MBD5: variants seen among roughly 807,000 people sequenced by gnomAD.
The protein encoded by MBD5 is methyl-CpG binding domain protein 5, also known as methyl-CpG-binding domain protein 5.
In MBD5, 13 loss-of-function variants were observed where a neutral mutation model predicts 117.3. The observed-to-expected ratio is 0.11, with a 90% CI of 0.07 to 0.18. The LOEUF is 0.18. Among genes scored for constraint, MBD5 ranks in the 10% least tolerant of loss-of-function variants. MBD5 has a pLI of 1.00. For synonymous variants in MBD5, 727 were observed against 766.4 expected (o/e 0.95, Z 0.85); for missense variants, 1,879 against 2,093.8 (o/e 0.90, Z 2.00).
chr2:148,090,398 C>T lies in MBD5; in HGVS notation c.-925+68714C>T, dbSNP rs913204971. Among the ~76,000 whole-genome samples the T allele has an allele frequency of 2.6e-5, 4 of 151,826 alleles. No homozygotes were observed. In the East Asian group the frequency reaches 7.7e-4, roughly 29 times the overall value. On this transcript the variant is annotated intron_variant, in intron 1 of 13. Coordinates refer to ENST00000642680, the MANE Select transcript of MBD5 (RefSeq NM_001378120.1). ...AAAGGACATAACAAAAAAAAGAAAACCATAGGCCAATATCTGTAATGAACA... is the reference window on the plus strand; with the variant it reads ...AAAGGACATAACAAAAAAAAGAAAATCATAGGCCAATATCTGTAATGAACA...
intron 1 of MBD5, among the ~76,000 whole-genome samples, chr2:148,079,334 G>GTA (rs1453178916): frequency 2.6e-5 from 4 of 152,176 alleles, no homozygotes; most frequent in Non-Finnish European, 5.9e-5. Flanking sequence ...GATGATAGTA[G>GTA]TATTGGCAGC....
chr2:148,118,037 T>A (rs997066262), intron 1 of MBD5, among the ~76,000 whole-genome samples: 17 of 152,210 alleles, frequency 1.1e-4, no homozygotes, highest in African/African-American at 3.9e-4. Flanking sequence ...TCCTGTGTCT[T>A]ACTAGAGTAG....
At chr2:148,349,045 A>G (rs182593946) in intron 4 of MBD5, among the ~76,000 whole-genome samples, 1 of 152,034 alleles carries the variant, frequency 6.6e-6, no homozygotes, top group African/African-American at 2.4e-5. Flanking sequence ...GATTTATTTT[A>G]TTATATTTAA....
At chr2:148,231,253 G>A (rs1475845700) in intron 2 of MBD5, among the ~76,000 whole-genome samples, 1 of 152,126 alleles carries the variant, frequency 6.6e-6, no homozygotes, top group Non-Finnish European at 1.5e-5. Context: ...ATTCCTTTCT[G>A]GCTAAACAGG....
intron 1 of MBD5, among the ~76,000 whole-genome samples, chr2:148,157,801 C>G (rs1250089120): frequency 6.6e-6 from 1 of 152,184 alleles, no homozygotes; most frequent in East Asian, 1.9e-4. Flanking sequence ...TGGGCTCTCT[C>G]AGGTGCCACT....
chr2:148,495,003 C>T (rs1440969447), intron 11 of MBD5, among the ~76,000 whole-genome samples: 1 of 152,090 alleles, frequency 6.6e-6, no homozygotes, highest in East Asian at 1.9e-4. Flanking sequence ...TTGAAGTACA[C>T]TCTGGGAGAT....
intron 1 of MBD5, among the ~76,000 whole-genome samples, chr2:148,177,562 T>C (rs1698420977): frequency 6.6e-6 from 1 of 152,220 alleles, no homozygotes; most frequent in Admixed American, 6.5e-5. Context: ...ACTCAGTGTT[T>C]TTCATAGACA....
At chr2:148,201,871 A>G (rs1158700990) in intron 2 of MBD5, among the ~76,000 whole-genome samples, 1 of 152,168 alleles carries the variant, frequency 6.6e-6, no homozygotes, top group Non-Finnish European at 1.5e-5. Flanking sequence ...CAAAGGCTCA[A>G]GGGGCACAAC....
intron 3 of MBD5, among the ~76,000 whole-genome samples, chr2:148,330,053 C>CCCCCCCCCCCCCCCCA (rs1559026394): frequency 9.5e-5 from 2 of 21,088 alleles, no homozygotes; most frequent in African/African-American, 2.6e-4. Flanking sequence ...GCCCCCCCCA[C>CCCCCCCCCCCCCCCCA]ACACACACAC....
intron 2 of MBD5, among the ~76,000 whole-genome samples, chr2:148,197,873 G>A (rs1699037751): frequency 1.4e-5 from 2 of 145,034 alleles, no homozygotes; most frequent in African/African-American, 5.1e-5. Context: ...GAGTACAATG[G>A]TATGATCTCG....
chr2:148,024,454 T>G (rs1398529202), intron 1 of MBD5, among the ~76,000 whole-genome samples: 2 of 152,192 alleles, frequency 1.3e-5, no homozygotes, highest in East Asian at 3.9e-4. Flanking sequence ...CATTTTTGTT[T>G]TGTTAACACA....
At chr2:148,275,234 A>G (rs536605569) in intron 3 of MBD5, among the ~76,000 whole-genome samples, 8 of 152,250 alleles carry the variant, frequency 5.3e-5, no homozygotes, top group African/African-American at 1.9e-4. Context: ...ATGAAAATTT[A>G]TATTTTTCTT....
At chr2:148,194,710 T>C (rs1295207342) in intron 2 of MBD5, among the ~76,000 whole-genome samples, 1 of 126,686 alleles carries the variant, frequency 7.9e-6, no homozygotes, top group African/African-American at 2.8e-5. Flanking sequence ...TGTATACATA[T>C]GTAACTAACC....
At chr2:148,432,156 G>C (rs1320874809) in intron 4 of MBD5, among the ~76,000 whole-genome samples, 2 of 152,022 alleles carry the variant, frequency 1.3e-5, no homozygotes, top group Non-Finnish European at 2.9e-5. Context: ...GTGCTTGTTG[G>C]CTGCATATAT....
In MBD5 at chr2:148,050,961, G is replaced by T. The variant is rs775164798; in HGVS notation, c.-925+29277G>T. Among the ~76,000 whole-genome samples, 12 of 152,198 alleles carry T rather than the reference G, an allele frequency of 7.9e-5. No individual in the cohort carries two copies. In the South Asian group the frequency reaches 1.7e-3, roughly 21 times the overall value. On this transcript the variant is annotated intron_variant, in intron 1 of 13. Coordinates refer to ENST00000642680, the MANE Select transcript of MBD5 (RefSeq NM_001378120.1). ...TGTCCCTTTCTGAAAATGAAAAATAGACTGTTGAAATTTTAGTAGGAGATT... is the reference window on the plus strand; with the variant it reads ...TGTCCCTTTCTGAAAATGAAAAATATACTGTTGAAATTTTAGTAGGAGATT...
At chr2:148,410,139 AAC>A (rs1408000681) in intron 4 of MBD5, among the ~76,000 whole-genome samples, 2 of 152,200 alleles carry the variant, frequency 1.3e-5, no homozygotes, top group Admixed American at 1.3e-4. Flanking sequence ...AGAAGAATAT[AAC>A]AGTTTGTCCT....
chr2:148,204,330 A>C (rs902478446), intron 2 of MBD5, among the ~76,000 whole-genome samples: 1 of 152,206 alleles, frequency 6.6e-6, no homozygotes, highest in African/African-American at 2.4e-5. Flanking sequence ...AACCAAAGAA[A>C]AAAAAGATTA....
chr2:148,256,165 G>C (rs1369764458), intron 3 of MBD5, among the ~76,000 whole-genome samples: 3 of 152,218 alleles, frequency 2.0e-5, no homozygotes, highest in Non-Finnish European at 2.9e-5. Context: ...CCTCATTTAG[G>C]GCATGCCTGA....
At chr2:148,352,467 T>C (rs1384048466) in intron 4 of MBD5, among the ~76,000 whole-genome samples, 1 of 151,974 alleles carries the variant, frequency 6.6e-6, no homozygotes, top group Non-Finnish European at 1.5e-5. Flanking sequence ...ATAAAGAACA[T>C]TTCCATCACC....
Sources: allele counts gnomAD v4.1 joint callset (sites outside exome capture counted in the v4.1 genomes callset), GRCh38; gene constraint gnomAD v4.1.1; transcripts MANE v1.5; gene names NCBI Gene and HGNC (gene_info 2026-07-23, HGNC 2026-07-21).